The following B3GALT1 variants were observed in gnomAD, a reference collection of about 807,000 sequenced individuals.
B3GALT1 encodes the protein beta-1,3-galactosyltransferase 1.
B3GALT1 carries 10 observed loss-of-function variants against 23.2 expected under a neutral mutation model. The ratio of observed to expected loss-of-function variants is 0.43; its 90% CI spans 0.27 to 0.73. The LOEUF is 0.73. B3GALT1 is among the 30% of genes least tolerant of loss of function. B3GALT1 has a pLI of 0.21. For missense variants in B3GALT1, 299 were observed against 405.4 expected, an observed-to-expected ratio of 0.74 and a Z score of 2.25; for synonymous variants, 156 against 141.5, an observed-to-expected ratio of 1.10 and a Z score of -0.73.
chr2:167,524,687 G>T (rs1024167701), intron 2 of B3GALT1, among the ~76,000 whole-genome samples: 6 of 152,074 alleles, frequency 3.9e-5, no homozygotes, highest in Non-Finnish European at 8.8e-5. Context: ...TATGCTCCTC[G>T]ATCTGCCATC....
intron 4 of B3GALT1, among the ~76,000 whole-genome samples, chr2:167,837,673 G>C (rs540630246): frequency 4.1e-5 from 6 of 147,656 alleles, no homozygotes; most frequent in Admixed American, 4.1e-4. Flanking sequence ...TGCACCAAGC[G>C]GACCTAATAG....
intron 1 of B3GALT1, among the ~76,000 whole-genome samples, chr2:167,436,314 T>A (rs1207817452): frequency 6.6e-6 from 1 of 152,054 alleles, no homozygotes; most frequent in East Asian, 1.9e-4. Context: ...CCATGAAGAG[T>A]TCCACCTCAG....
At chr2:167,500,858 G>T (rs1013033662) in intron 2 of B3GALT1, among the ~76,000 whole-genome samples, 1 of 152,100 alleles carries the variant, frequency 6.6e-6, no homozygotes, top group African/African-American at 2.4e-5. Flanking sequence ...TGCCAATGAG[G>T]TAATTAATTA....
At chr2:167,525,868 G>A (rs13406065) in intron 2 of B3GALT1, among the ~76,000 whole-genome samples, 4,169 of 151,618 alleles carry the variant, frequency 0.027, 155 homozygotes, top group East Asian at 0.11. Flanking sequence ...TGATCCTCCT[G>A]CCTTGACCTT....
intron 2 of B3GALT1, among the ~76,000 whole-genome samples, chr2:167,581,985 G>A (rs1175917425): frequency 5.3e-5 from 8 of 152,010 alleles, no homozygotes; most frequent in African/African-American, 1.5e-4. Context: ...GTTCTTTCTC[G>A]GCTACAGGTT....
chr2:167,631,131 A>G (rs2105447069), intron 2 of B3GALT1, among the ~76,000 whole-genome samples: 1 of 152,028 alleles, frequency 6.6e-6, no homozygotes, highest in South Asian at 2.1e-4. Flanking sequence ...GTCACAACCA[A>G]ATATTTTTAA....
At chr2:167,559,091 G>A (rs892721372) in intron 2 of B3GALT1, among the ~76,000 whole-genome samples, 7 of 152,242 alleles carry the variant, frequency 4.6e-5, no homozygotes, top group Non-Finnish European at 7.3e-5. Flanking sequence ...TCACACGGCC[G>A]GGTACTCCTC....
intron 1 of B3GALT1, among the ~76,000 whole-genome samples, chr2:167,424,569 G>A (rs1367705142): frequency 6.6e-6 from 1 of 151,960 alleles, no homozygotes; most frequent in Non-Finnish European, 1.5e-5. Context: ...GTGTTTGTGT[G>A]TGTGTGTTTG....
At chr2:167,388,656 C>T (rs1395647263) in intron 1 of B3GALT1, among the ~76,000 whole-genome samples, 1 of 152,118 alleles carries the variant, frequency 6.6e-6, no homozygotes, top group Non-Finnish European at 1.5e-5. Context: ...CCTAGCTACA[C>T]AATAGAATCA....
intron 1 of B3GALT1, among the ~76,000 whole-genome samples, chr2:167,310,842 C>T (rs1432134345): frequency 6.6e-6 from 1 of 152,010 alleles, no homozygotes; most frequent in Admixed American, 6.6e-5. Flanking sequence ...AGACTAGACA[C>T]TCTTCAGTTG....
intron 2 of B3GALT1, among the ~76,000 whole-genome samples, chr2:167,624,533 G>T (rs898473210): frequency 6.6e-6 from 1 of 152,026 alleles, no homozygotes; most frequent in Non-Finnish European, 1.5e-5. Context: ...AGACATGAGC[G>T]TTTTATTTGT....
intron 1 of B3GALT1, among the ~76,000 whole-genome samples, chr2:167,441,859 GTT>G (rs1275898445): frequency 1.4e-5 from 2 of 142,180 alleles, no homozygotes; most frequent in South Asian, 2.2e-4. Flanking sequence ...AAGATCCCAT[GTT>G]TTTTTTTTTT....
At chr2:167,629,248 G>C (rs568567578) in intron 2 of B3GALT1, among the ~76,000 whole-genome samples, 9 of 151,804 alleles carry the variant, frequency 5.9e-5, no homozygotes, top group African/African-American at 2.2e-4. Flanking sequence ...TTTAAGAGAG[G>C]AGCTTTGGTG....
intron 3 of B3GALT1, among the ~76,000 whole-genome samples, chr2:167,731,410 G>T (rs1450338636): frequency 2.6e-5 from 4 of 152,062 alleles, no homozygotes; most frequent in Non-Finnish European, 4.4e-5. Context: ...CATATTTTGT[G>T]TACCCCCAGG....
At chr2:167,477,880 A>C (rs1559109026) in intron 1 of B3GALT1, among the ~76,000 whole-genome samples, 1 of 152,254 alleles carries the variant, frequency 6.6e-6, no homozygotes, top group African/African-American at 2.4e-5. Context: ...AAAAGAAAAC[A>C]ACAAAAACAC....
chr2:167,663,556 A>C (rs1265191951), intron 3 of B3GALT1, among the ~76,000 whole-genome samples: 1 of 151,598 alleles, frequency 6.6e-6, no homozygotes, highest in Non-Finnish European at 1.5e-5. Flanking sequence ...ACAATGGTTG[A>C]ACTAGTTTAC....
intron 3 of B3GALT1, among the ~76,000 whole-genome samples, chr2:167,738,263 G>A (rs574856499): frequency 6.6e-6 from 1 of 152,134 alleles, no homozygotes; most frequent in Non-Finnish European, 1.5e-5. Flanking sequence ...AGTAATATTA[G>A]CAAGTTAGGG....
At chr2:167,507,085 T>A (rs534745692) in intron 2 of B3GALT1, among the ~76,000 whole-genome samples, 54 of 152,226 alleles carry the variant, frequency 3.5e-4, no homozygotes, top group Middle Eastern at 6.8e-3. Flanking sequence ...TAAAAAAGAA[T>A]AATAGAAAGT....
At position 167,512,567 on chromosome 2, in the gene B3GALT1, T is replaced by C. The variant is rs1244883728; in HGVS notation, c.-410+22290T>C. Among the ~76,000 whole-genome samples the C allele has an allele frequency of 2.3e-3, 185 of 79,940 alleles. 8 individuals carry two copies. Among genetic ancestry groups the C allele is most frequent in the Admixed American group, 0.013 (108 of 8,112 alleles). The allele number at this position is 79,940 out of a possible 152,430, so 52.4% of individuals were successfully genotyped here. The stretch of plus-strand genomic sequence containing the variant: ...ATATGTATATATATGTATATATATA[T>C]GTATATATATATGTATATATATATG... On this transcript the variant is annotated intron_variant, in intron 2 of 4. Transcript: ENST00000392690.
Sources: gnomAD v4.1 joint callset for allele counts (sites outside exome capture counted in the v4.1 genomes callset) on GRCh38, gnomAD v4.1.1 for gene constraint, MANE v1.5 for transcripts, NCBI Gene and HGNC (gene_info 2026-07-23, HGNC 2026-07-21) for gene names.